OSBPL2: variants seen among roughly 807,000 people sequenced by gnomAD.
OSBPL2 encodes oxysterol binding protein like 2.
In OSBPL2, 18 loss-of-function variants were observed where a neutral mutation model predicts 58.4. The observed-to-expected ratio is 0.31, with a 90% CI of 0.21 to 0.46. OSBPL2 has a LOEUF of 0.46. Ranked by LOEUF, OSBPL2 falls within the 20% of genes least tolerant of loss-of-function variation. OSBPL2 has a pLI of 1.00. For synonymous variants in OSBPL2, 221 were observed against 234.1 expected, an observed-to-expected ratio of 0.94 and a Z score of 0.51; for missense variants, 461 against 616.5, an observed-to-expected ratio of 0.75 and a Z score of 2.67.
chr20:62,248,759 T>C (rs1187623601), intron 1 of OSBPL2, among the ~76,000 whole-genome samples: 3 of 152,084 alleles, frequency 2.0e-5, no homozygotes, highest in Non-Finnish European at 4.4e-5. Context: ...GGAGCAATCA[T>C]AGCTCACTGC....
At chr20:62,268,023 C>T (rs1217187282) in intron 4 of OSBPL2, among the ~76,000 whole-genome samples, 1 of 151,482 alleles carries the variant, frequency 6.6e-6, no homozygotes. Flanking sequence ...GCTGGGACTA[C>T]AGGCGCCTGC....
rs1003123583 is a variant in OSBPL2 at position 62,295,562 on chromosome 20, A to T, written c.*1675A>T. ...GAGTCCTGTGTCATCCTCGGGGCCT[A>T]TGAGCTCCGTACCAGCCACTCAAAA... On this transcript the variant is annotated 3_prime_UTR_variant, in exon 14 of 14. Transcript: ENST00000313733. This position sits in a 1 kb window ranked among gnomAD's most constrained non-coding sequence, Gnocchi z 4.8. 2 of 152,138 alleles carry T rather than the reference A, an allele frequency of 1.3e-5. No individual in the cohort carries two copies. Among genetic ancestry groups the T allele is most frequent in the Non-Finnish European group, 2.9e-5 (2 of 68,028 alleles). The allele number at this position is 152,138 out of a possible 1,614,324, so 9.4% of individuals were successfully genotyped here.
chr20:62,290,411 GTTTTTT>G (rs3065795), intron 12 of OSBPL2, among the ~76,000 whole-genome samples: 1 of 76,378 alleles, frequency 1.3e-5, no homozygotes. Context: ...AATTTTTTGG[GTTTTTT>G]TTTTTTTTTT....
At chr20:62,282,008 A>G (rs1982825211) in intron 9 of OSBPL2, 129 bp downstream of exon 9, 1 of 579,896 alleles carries the variant, frequency 1.7e-6, no homozygotes, top group Admixed American at 2.6e-5. Flanking sequence ...CCATCTGTTC[A>G]TGGTCCAGAA....
At chr20:62,251,349 C>T (rs1169917636) in intron 1 of OSBPL2, among the ~76,000 whole-genome samples, 1 of 151,352 alleles carries the variant, frequency 6.6e-6, no homozygotes. Context: ...TGAGCCACCA[C>T]GCCCGGACAA....
chr20:62,260,838 T>A (rs1193456587), intron 3 of OSBPL2, among the ~76,000 whole-genome samples: 1 of 151,814 alleles, frequency 6.6e-6, no homozygotes, highest in East Asian at 1.9e-4. Flanking sequence ...AAAATTAAAA[T>A]AATTAGCTGG....
At chr20:62,259,942 C>A in intron 2 of OSBPL2, 39 bp from the exon 3 acceptor site, 1 of 1,597,824 alleles carries the variant, frequency 6.3e-7, no homozygotes, top group Non-Finnish European at 8.5e-7. Context: ...AAAAATCTTT[C>A]AGGTCCAGCG....
chr20:62,240,946 CTG>C (rs1303309458), intron 1 of OSBPL2, among the ~76,000 whole-genome samples: 1 of 152,206 alleles, frequency 6.6e-6, no homozygotes, highest in Non-Finnish European at 1.5e-5. Context: ...AGTCCAGACT[CTG>C]AGGTCTCCGT....
chr20:62,256,104 C>G lies in OSBPL2; in HGVS notation c.-81C>G, dbSNP rs1601159911. The G allele has an allele frequency of 6.6e-7, 1 of 1,509,852 alleles. No individual in the cohort carries two copies. The highest frequency in any genetic ancestry group is 2.3e-5 in the East Asian group (1 of 43,438). The allele number at this position is 1,509,852 out of a possible 1,614,324, so 93.5% of individuals were successfully genotyped here. A position where few individuals can be genotyped will look rare whatever the true frequency, so the allele number is the denominator to read the frequency against. On this transcript the variant is annotated 5_prime_UTR_variant, in exon 2 of 14. Transcript: ENST00000313733. ...TTCCAAGAGAAAGTTTGTAAAATTC[C>G]TTACACTGTAGATGTGGATCAGATA...
intron 10 of OSBPL2, chr20:62,284,590 G>A (rs1015056489): frequency 4.0e-5 from 7 of 176,640 alleles, no homozygotes; most frequent in African/African-American, 1.7e-4. Flanking sequence ...GCCCAGGCTG[G>A]TCTTGAACTC....
At position 62,286,658 on chromosome 20, in the gene OSBPL2, C is replaced by G; in HGVS notation, c.1072C>G (p.Pro358Ala). The change falls in exon 11 of 14, where the codon CCT becomes GCT. Residue 358 changes from proline (P) to alanine (A), a missense_variant. Transcript: ENST00000313733. ...PVAQETVQVI[P>A]GSKLLWRINT... ...GGCCCAGGAGACCGTGCAGGTCATT[C>G]CTGGCAGCAAGCTGCTCTGGAGGAT... 6.2e-7 allele frequency: 1 copy of G among 1,613,720 alleles called. No homozygotes were observed. Among genetic ancestry groups the G allele is most frequent in the Non-Finnish European group, 8.5e-7 (1 of 1,179,906 alleles).
chr20:62,255,825 A>G (rs1263786530), intron 1 of OSBPL2, among the ~76,000 whole-genome samples: 2 of 151,842 alleles, frequency 1.3e-5, no homozygotes, highest in African/African-American at 2.4e-5. Context: ...TTTAGAAACA[A>G]CTCTTGTTAT....
chr20:62,263,906 A>T (rs545519801), intron 4 of OSBPL2, among the ~76,000 whole-genome samples: 1 of 152,118 alleles, frequency 6.6e-6, no homozygotes, highest in Admixed American at 6.5e-5. Context: ...TCTACTAAAA[A>T]TTCCAAAAAT....
At chr20:62,291,281 G>A (rs934723724) in intron 12 of OSBPL2, 14 of 287,800 alleles carry the variant, frequency 4.9e-5, no homozygotes, top group Non-Finnish European at 8.8e-5. Flanking sequence ...CCACATGGCA[G>A]TTACCCGGGA....
chr20:62,283,118 G>T (rs1367744456), intron 9 of OSBPL2, among the ~76,000 whole-genome samples: 1 of 152,208 alleles, frequency 6.6e-6, no homozygotes, highest in Non-Finnish European at 1.5e-5. Context: ...CTGACCCTCA[G>T]TGAGTGCATG....
chr20:62,261,552 G>T (rs908845222), intron 3 of OSBPL2, among the ~76,000 whole-genome samples: 1 of 152,028 alleles, frequency 6.6e-6, no homozygotes, highest in Non-Finnish European at 1.5e-5. Flanking sequence ...TTGTTTGTTC[G>T]TTCTCTCACC....
intron 4 of OSBPL2, among the ~76,000 whole-genome samples, chr20:62,264,900 T>G (rs1389695707): frequency 6.6e-6 from 1 of 152,238 alleles, no homozygotes; most frequent in African/African-American, 2.4e-5. Flanking sequence ...TGATGTTTTC[T>G]TCTTAGAATG....
At chr20:62,264,013 C>T (rs1386698063) in intron 4 of OSBPL2, among the ~76,000 whole-genome samples, 2 of 149,110 alleles carry the variant, frequency 1.3e-5, no homozygotes, top group South Asian at 2.1e-4. Context: ...TGCAGTGAGC[C>T]GAGATCGTGC....
rs757857620 is a variant in OSBPL2, at chr20:62,279,190, G to A, written c.525G>A (p.Gln175=). The A allele has an allele frequency of 1.9e-6, 3 of 1,613,962 alleles. No homozygotes were observed. The African/African-American group carries it at 4.0e-5, about 22-fold the overall frequency. Residue 175 remains glutamine, a synonymous_variant, in exon 7 of 14, where the codon CAG becomes CAA. Coordinates refer to ENST00000313733, the MANE Select transcript of OSBPL2 (RefSeq NM_144498.4). ...TAGGATTCAGATTTATATCGGAACA[G>A]GTCAGTCACCACCCCCCCATCAGTG... is the stretch of plus-strand genomic sequence containing the variant. The part of the protein sequence containing the change: ...EDLGFRFISE[Q]VSHHPPISAF...
Sources: gnomAD v4.1 joint callset for allele counts (sites outside exome capture counted in the v4.1 genomes callset) on GRCh38, gnomAD v4.1.1 for gene constraint, Gnocchi (gnomAD v3.1) non-coding constraint, MANE v1.5 for transcripts, NCBI Gene and HGNC (gene_info 2026-07-23, HGNC 2026-07-21) for gene names.